DNAJC13: variants seen among roughly 807,000 people sequenced by gnomAD.
DNAJC13 encodes dnaJ homolog subfamily C member 13.
In DNAJC13, 75 loss-of-function variants were observed where a neutral mutation model predicts 290.5. The observed-to-expected ratio is 0.26, with a 90% confidence interval of 0.21 to 0.31. DNAJC13 has a LOEUF of 0.31. DNAJC13 is among the 10% of genes least tolerant of loss of function. DNAJC13 has a pLI of 1.00. For synonymous variants in DNAJC13, 862 were observed against 892.0 expected (o/e 0.97, Z 0.60); for missense variants, 2,260 against 2,674.5 (o/e 0.85, Z 3.42).
intron 29 of DNAJC13, among the ~76,000 whole-genome samples, chr3:132,485,481 T>G (rs1445892100): frequency 1.3e-5 from 2 of 152,232 alleles, no homozygotes; most frequent in East Asian, 3.9e-4. Flanking sequence ...TGTGGAAGAT[T>G]GAGCCTAAAC....
intron 25 of DNAJC13, 139 bp from the exon 26 acceptor site, chr3:132,480,230 A>G (rs1344272899): frequency 1.9e-6 from 1 of 514,804 alleles, no homozygotes; most frequent in Non-Finnish European, 3.4e-6. Context: ...CAGTCGTATC[A>G]CTTATTTCCA....
chr3:132,488,309 C>T lies in DNAJC13; in HGVS notation c.3279C>T (p.Thr1093=). The T allele has an allele frequency of 6.2e-7, 1 of 1,608,152 alleles. No individual in the cohort carries two copies. Residue 1093 remains threonine, a synonymous_variant, in exon 30 of 56, where the codon ACC becomes ACT. Coordinates refer to ENST00000260818, the MANE Select transcript of DNAJC13 (RefSeq NM_015268.4). Reference sequence around the variant, plus strand: ...TAATTTTTTTTCAGCTACTGCTGACCTTTGACCCTATCCTTGTTGAGAAGG... The same window carrying T: ...TAATTTTTTTTCAGCTACTGCTGACTTTTGACCCTATCCTTGTTGAGAAGG... ...CLPHIIQLLL[T]FDPILVEKVA...
chr3:132,515,557 C>A (rs749308464), intron 46 of DNAJC13, among the ~76,000 whole-genome samples: 13 of 150,832 alleles, frequency 8.6e-5, no homozygotes, highest in Non-Finnish European at 1.6e-4. Context: ...TTTCTTTTTT[C>A]TTGGTTTTCA....
intron 55 of DNAJC13, among the ~76,000 whole-genome samples, chr3:132,533,057 C>CTT (rs35854494): frequency 0.024 from 2,507 of 102,854 alleles, 253 homozygotes; most frequent in African/African-American, 0.086. Flanking sequence ...CCACACCTGG[C>CTT]TTTTTTTTTT....
At chr3:132,432,239 G>T (rs1255158663) in intron 1 of DNAJC13, among the ~76,000 whole-genome samples, 10 of 151,936 alleles carry the variant, frequency 6.6e-5, no homozygotes, top group Admixed American at 6.6e-4. Context: ...GTCTTGCTCT[G>T]TTACCCAGGC....
chr3:132,501,407 T>C (rs764674304), intron 39 of DNAJC13, among the ~76,000 whole-genome samples: 10 of 151,958 alleles, frequency 6.6e-5, no homozygotes, highest in Admixed American at 1.3e-4. Context: ...GGCTGAGTAT[T>C]TGGCTGAAGA....
chr3:132,457,288 G>T lies in DNAJC13; in HGVS notation c.1369G>T (p.Val457Leu), dbSNP rs768014926. ...QLPKFRERLG[V>L]KVVKALKRSN... ...CAAAAGGTTTCGCGAGCGTCTAGGG[G>T]TGAAGGTAGTAAAAGCACTCAAAAG... Residue 457 changes from valine to leucine, a missense_variant, in exon 13 of 56, where the codon GTG (valine) becomes TTG (leucine). Val to Leu is a conservative substitution (Grantham distance 32). Around this residue, in one of 3 missense-constraint regions of DNAJC13, gnomAD observed 762 missense variants for 964.1 expected, o/e 0.79. Transcript: ENST00000260818. 6.2e-7 allele frequency: 1 copy of T among 1,612,376 alleles called. No individual in the cohort carries two copies. Among genetic ancestry groups the T allele is most frequent in the Non-Finnish European group, 8.5e-7 (1 of 1,179,392 alleles).
intron 1 of DNAJC13, among the ~76,000 whole-genome samples, chr3:132,418,005 G>C (rs985169726): frequency 6.6e-6 from 1 of 151,094 alleles, no homozygotes; most frequent in Non-Finnish European, 1.5e-5. Flanking sequence ...CCTTTTTTTT[G>C]CTTGTTTTAT....
At chr3:132,456,093 A>G in intron 9 of DNAJC13, 142 bp from the exon 10 acceptor site, 1 of 665,800 alleles carries the variant, frequency 1.5e-6, no homozygotes, top group Non-Finnish European at 2.5e-6. Context: ...CTCTTCCTAA[A>G]GCCCCACTGT....
chr3:132,447,991 T>C (rs181809057), intron 5 of DNAJC13, 52 bp downstream of exon 5: 5 of 1,267,326 alleles, frequency 3.9e-6, no homozygotes, highest in Admixed American at 3.9e-5. Flanking sequence ...TGTTGCCCTT[T>C]ATTGTAGAAA....
Position 132,503,196 on chromosome 3 carries a change from T to C in DNAJC13, c.4717-18T>C. The C allele has an allele frequency of 1.2e-6, 2 of 1,611,300 alleles. No individual in the cohort carries two copies. Among genetic ancestry groups the C allele is most frequent in the Admixed American group, 1.7e-5 (1 of 59,542 alleles). On this transcript the variant is annotated intron_variant, in intron 40 of 55. Transcript: ENST00000260818. ...AGATAACAGATCTACTTTAACAACT[T>C]AATTTTTTTTATAACAGGAGGTAGC...
intron 55 of DNAJC13, among the ~76,000 whole-genome samples, chr3:132,533,390 C>G (rs1025775315): frequency 7.3e-5 from 10 of 136,972 alleles, no homozygotes; most frequent in African/African-American, 2.8e-4. Flanking sequence ...GGCTGGAGTA[C>G]TACAGCATGA....
intron 2 of DNAJC13, among the ~76,000 whole-genome samples, chr3:132,436,379 T>G (rs868138953): frequency 6.7e-4 from 102 of 152,354 alleles, no homozygotes; most frequent in African/African-American, 2.3e-3. Flanking sequence ...TTATAGCATG[T>G]CAGTACTTCA....
In DNAJC13 at chr3:132,477,807, G is replaced by A. The variant is rs201731372; in HGVS notation, c.2464G>A (p.Ala822Thr). ...HEFEVKYECL[A>T]EEIKIGDYYL... is the part of the protein sequence containing the mutation. ...TATGAAGGTTAAATATGAGTGCCTGGCAGAGGAAATTAAAATAGGAGACTA... is the reference window on the plus strand; with the variant it reads ...TATGAAGGTTAAATATGAGTGCCTGACAGAGGAAATTAAAATAGGAGACTA... Residue 822 changes from alanine to threonine, a missense_variant, in exon 23 of 56, where the codon GCA becomes ACA. Physicochemically the swap from Ala to Thr is moderately conservative, Grantham distance 58. This residue lies in a region of DNAJC13 where 4 missense variants were observed against 16.7 expected (regional missense o/e 0.24). Transcript: ENST00000260818. 61 of 1,611,954 alleles carry A rather than the reference G, an allele frequency of 3.8e-5. No individual in the cohort carries two copies. In the East Asian group the frequency reaches 1.2e-3, roughly 32 times the overall value.
chr3:132,451,382 C>G (rs979243511), intron 6 of DNAJC13, among the ~76,000 whole-genome samples: 1 of 152,148 alleles, frequency 6.6e-6, no homozygotes, highest in Non-Finnish European at 1.5e-5. Flanking sequence ...TGTTTATAAT[C>G]TGAAATCTGA....
chr3:132,419,661 C>T (rs1461213840), intron 1 of DNAJC13, among the ~76,000 whole-genome samples: 2 of 152,174 alleles, frequency 1.3e-5, no homozygotes, highest in African/African-American at 2.4e-5. Context: ...CATACCTTTC[C>T]CCTGCTTCTG....
chr3:132,461,694 TTTTA>T (rs1933803551), intron 15 of DNAJC13, among the ~76,000 whole-genome samples: 1 of 152,122 alleles, frequency 6.6e-6, no homozygotes, highest in Non-Finnish European at 1.5e-5. Context: ...TTTTATTTTA[TTTTA>T]TTTATTTTTT....
intron 50 of DNAJC13, 65 bp from the exon 51 acceptor site, chr3:132,523,475 A>G: frequency 6.6e-7 from 1 of 1,510,528 alleles, no homozygotes; most frequent in Non-Finnish European, 9.0e-7. Flanking sequence ...ATTCTTTAAT[A>G]TGGTGTGCAT....
At chr3:132,518,597 T>C (rs543879590) in intron 48 of DNAJC13, among the ~76,000 whole-genome samples, 1 of 152,188 alleles carries the variant, frequency 6.6e-6, no homozygotes, top group African/African-American at 2.4e-5. Flanking sequence ...GCTCATGTGA[T>C]CCACCCGCCT....
Sources: gnomAD v4.1 joint callset for allele counts (sites outside exome capture counted in the v4.1 genomes callset) on GRCh38, gnomAD v4.1.1 for gene constraint, gnomAD v4.1.1 regional missense constraint, MANE v1.5 for transcripts, NCBI Gene and HGNC (gene_info 2026-07-23, HGNC 2026-07-21) for gene names.